The following TMEM181 variants were observed in gnomAD, a reference collection of about 807,000 sequenced individuals.
The protein encoded by TMEM181 is G protein-coupled receptor 178.
Under a neutral mutation model 71.9 loss-of-function variants are expected in TMEM181, and 39 were observed. The ratio of observed to expected loss-of-function variants is 0.54; its 90% CI spans 0.42 to 0.71. The LOEUF (loss-of-function observed/expected upper bound fraction) is 0.71. TMEM181 is among the 30% of genes least tolerant of loss of function. The pLI, the probability that TMEM181 is intolerant of heterozygous loss-of-function variation, is 0.00. For missense variants in TMEM181, 595 were observed against 583.0 expected (o/e 1.02, Z -0.21); for synonymous variants, 245 against 228.8 (o/e 1.07, Z -0.64).
intron 1 of TMEM181, among the ~76,000 whole-genome samples, chr6:158,551,824 C>G (rs1167442262): frequency 1.3e-5 from 2 of 152,126 alleles, no homozygotes; most frequent in Admixed American, 6.6e-5. Flanking sequence ...TATCACTGAT[C>G]ACCTGACAAA....
At chr6:158,573,548 A>C in intron 2 of TMEM181, 25 bp downstream of exon 2, 1 of 1,569,536 alleles carries the variant, frequency 6.4e-7, no homozygotes, top group Admixed American at 1.9e-5. Flanking sequence ...TTACTCATTG[A>C]ATCTTTTGCC....
chr6:158,601,001 A>C (rs569718790), intron 6 of TMEM181, among the ~76,000 whole-genome samples: 1 of 152,024 alleles, frequency 6.6e-6, no homozygotes, highest in East Asian at 1.9e-4. Context: ...TGTGCGTTAG[A>C]GTATGTTTGT....
At chr6:158,557,667 G>A (rs1308717950), upstream of TMEM181, among the ~76,000 whole-genome samples, 3 of 152,064 alleles carry the variant, frequency 2.0e-5, no homozygotes, top group African/African-American at 4.8e-5. Context: ...ACAGGCACCC[G>A]CCATCACGCC....
chr6:158,575,236 G>GTTATTACTA (rs1393913863), intron 2 of TMEM181, among the ~76,000 whole-genome samples: 1 of 152,178 alleles, frequency 6.6e-6, no homozygotes, highest in Non-Finnish European at 1.5e-5. Context: ...ATGTGATAAG[G>GTTATTACTA]TTATTACTAT....
intron 1 of TMEM181, among the ~76,000 whole-genome samples, chr6:158,544,182 AGT>A (rs34605570): frequency 0.023 from 2,916 of 127,582 alleles, 30 homozygotes; most frequent in Admixed American, 0.031. Context: ...AATTGGAGAG[AGT>A]GTGTGTGTGT....
chr6:158,560,120 C>G lies in TMEM181; in HGVS notation c.-105C>G, dbSNP rs964218255. The G allele has an allele frequency of 2.0e-6, 2 of 984,860 alleles. No homozygotes were observed. Among genetic ancestry groups the G allele is most frequent in the African/African-American group, 1.7e-5 (1 of 57,188 alleles). 61.0% of individuals were successfully genotyped at this position (984,860 alleles called of 1,614,324 possible). A position where few individuals can be genotyped will look rare whatever the true frequency, so the allele number is the denominator to read the frequency against. On this transcript the variant is annotated 5_prime_UTR_variant, in exon 1 of 17. Transcript: ENST00000684151. ...TTTCCGCGGCCGGCCGCTGCTCAGC[C>G]GCTGTCGCTCCGGCTCCGGCTGCGG...
At chr6:158,551,151 G>A (rs550825599) in intron 1 of TMEM181, among the ~76,000 whole-genome samples, 8 of 151,874 alleles carry the variant, frequency 5.3e-5, no homozygotes, top group Non-Finnish European at 1.0e-4. Context: ...TAGTAGAGAC[G>A]GGGTTTCACC....
intron 5 of TMEM181, among the ~76,000 whole-genome samples, chr6:158,588,840 G>A (rs1456471404): frequency 1.3e-5 from 2 of 152,214 alleles, no homozygotes; most frequent in Non-Finnish European, 2.9e-5. Context: ...TCATTGGAGC[G>A]ATGCCCTATT....
At position 158,608,421 on chromosome 6, in the gene TMEM181, G is replaced by A; in HGVS notation, c.762G>A (p.Leu254=). ...TTCAGTCCATGTTCCTGTGCGCCCT[G>A]CTGCTCTTCTGGCTGTGCGTGTACC... is the stretch of plus-strand genomic sequence containing the variant. ...DLFQSMFLCA[L]LLFWLCVYHG... is the part of the protein sequence containing the mutation. The change falls in exon 9 of 17, where the codon CTG becomes CTA. Residue 254 remains leucine (L), a synonymous_variant. Transcript: ENST00000684151. The A allele has an allele frequency of 6.2e-7, 1 of 1,614,210 alleles. No individual in the cohort carries two copies. The highest frequency in any genetic ancestry group is 8.5e-7 in the Non-Finnish European group (1 of 1,180,046).
intron 2 of TMEM181, among the ~76,000 whole-genome samples, chr6:158,577,519 G>A (rs1235441864): frequency 1.3e-5 from 2 of 151,978 alleles, no homozygotes; most frequent in Non-Finnish European, 2.9e-5. Context: ...ATAGAGAATG[G>A]GTCAGAGAAT....
At chr6:158,607,000 A>G (rs1430594867) in intron 7 of TMEM181, among the ~76,000 whole-genome samples, 1 of 152,120 alleles carries the variant, frequency 6.6e-6, no homozygotes, top group African/African-American at 2.4e-5. Flanking sequence ...TGCTCCTGTG[A>G]GGACAGCTCG....
At chr6:158,564,268 GC>G (rs1413702785) in intron 1 of TMEM181, among the ~76,000 whole-genome samples, 1 of 152,182 alleles carries the variant, frequency 6.6e-6, no homozygotes, top group Non-Finnish European at 1.5e-5. Context: ...CCTTCTTTCT[GC>G]CCCGACCTCC....
chr6:158,537,294 G>C (rs1781156703), intron 1 of TMEM181, among the ~76,000 whole-genome samples: 1 of 152,072 alleles, frequency 6.6e-6, no homozygotes, highest in African/African-American at 2.4e-5. Flanking sequence ...CTGCGGCGTC[G>C]GGAGGAGGGT....
At chr6:158,588,782 C>G (rs2128304606) in intron 5 of TMEM181, among the ~76,000 whole-genome samples, 1 of 152,332 alleles carries the variant, frequency 6.6e-6, no homozygotes, top group African/African-American at 2.4e-5. Context: ...CTGTGTAAAA[C>G]CCACACCTGT....
At chr6:158,608,925 C>T (rs1785126610) in intron 10 of TMEM181, among the ~76,000 whole-genome samples, 175 bp downstream of exon 10, 1 of 152,008 alleles carries the variant, frequency 6.6e-6, no homozygotes, top group Admixed American at 6.6e-5. Context: ...TGGTGACACC[C>T]CGTCTCTACC....
intron 6 of TMEM181, among the ~76,000 whole-genome samples, chr6:158,594,026 T>C (rs7738510): frequency 0.057 from 8,709 of 151,504 alleles, 586 homozygotes; most frequent in African/African-American, 0.16. Context: ...CCTTTGTGCT[T>C]CACCTGTTCA....
At chr6:158,545,369 A>C (rs548076297) in intron 1 of TMEM181, among the ~76,000 whole-genome samples, 1 of 152,352 alleles carries the variant, frequency 6.6e-6, no homozygotes, top group African/African-American at 2.4e-5. Flanking sequence ...CCTTGTCCTG[A>C]CTTGGAAAGT....
rs1409673342 is a variant in TMEM181 at position 158,635,143 on chromosome 6, T to G, written c.*3255T>G. The G allele has an allele frequency of 6.6e-6, 1 of 152,216 alleles. No individual in the cohort carries two copies. The highest frequency in any genetic ancestry group is 2.4e-5 in the African/African-American group (1 of 41,452). 9.4% of individuals were successfully genotyped at this position (152,216 alleles called of 1,614,324 possible). A position where few individuals can be genotyped will look rare whatever the true frequency, so the allele number is the denominator to read the frequency against. ...GACATTGGAGATACGCTAGTAACTG[T>G]GATACCATACTATAAAACAGAAGAA... On this transcript the variant is annotated 3_prime_UTR_variant, in exon 17 of 17. Transcript: ENST00000684151.
intron 10 of TMEM181, chr6:158,610,905 G>C (rs564361325): frequency 4.9e-6 from 2 of 404,700 alleles, no homozygotes; most frequent in Non-Finnish European, 9.5e-6. Context: ...AGAAGGCTCT[G>C]GAATGGCTGA....
Sources: allele counts gnomAD v4.1 joint callset (sites outside exome capture counted in the v4.1 genomes callset), GRCh38; gene constraint gnomAD v4.1.1; transcripts MANE v1.5; gene names NCBI Gene and HGNC (gene_info 2026-07-23, HGNC 2026-07-21).